The following AGBL1 variants were observed in gnomAD, a reference collection of about 807,000 sequenced individuals.
AGBL1 encodes AGBL carboxypeptidase 1.
A neutral mutation model predicts 118.9 loss-of-function variants in AGBL1; 130 were observed. The ratio of observed to expected loss-of-function variants is 1.09; its 90% CI spans 0.95 to 1.26. The LOEUF (loss-of-function observed/expected upper bound fraction) is 1.26, where lower values mean the gene tolerates loss of function less well. Ranked by LOEUF, AGBL1 falls within the 50% of genes most tolerant of loss-of-function variation. The pLI, the probability that AGBL1 is intolerant of heterozygous loss-of-function variation, is 0.00. For missense variants in AGBL1, 1,584 were observed against 1,298.1 expected (o/e 1.22, Z -3.38); for synonymous variants, 555 against 478.9 (o/e 1.16, Z -2.08).
intron 21 of AGBL1, among the ~76,000 whole-genome samples, chr15:86,663,010 G>C (rs920966277): frequency 6.6e-6 from 1 of 152,258 alleles, no homozygotes; most frequent in Admixed American, 6.5e-5. Context: ...GAGCTGCTGT[G>C]GGGCTTGGAG....
In AGBL1 at chr15:86,911,785, T is replaced by C. The variant is rs1301881060; in HGVS notation, c.*4491T>C. 6.6e-6 allele frequency: 1 copy of C among 152,234 alleles called. No individual in the cohort carries two copies. Among genetic ancestry groups the C allele is most frequent in the East Asian group, 1.9e-4 (1 of 5,188 alleles). 9.4% of individuals were successfully genotyped at this position (152,234 alleles called of 1,614,324 possible). The stretch of plus-strand genomic sequence containing the variant: ...AACTCAGTTCAAATATCACCTTTCT[T>C]CTATAAAACTTGTCCTCATCACCCA... On this transcript the variant is annotated 3_prime_UTR_variant, in exon 23 of 23. Coordinates refer to ENST00000614907, the MANE Select transcript of AGBL1 (RefSeq NM_001386094.1).
At chr15:86,418,283 C>G (rs1480630595) in intron 18 of AGBL1, among the ~76,000 whole-genome samples, 1 of 152,200 alleles carries the variant, frequency 6.6e-6, no homozygotes, top group East Asian at 1.9e-4. Context: ...ACTTTCTAAT[C>G]TATTTTAGTG....
rs2080299743 is a variant in AGBL1, at chr15:86,907,682, T to C, written c.*388T>C. Reference sequence around the variant, plus strand: ...CTTCTTGGCTTCTCAGCCAGAATTCTAAGTGGTTATTTAAGTTGTTCCATA... The same window carrying C: ...CTTCTTGGCTTCTCAGCCAGAATTCCAAGTGGTTATTTAAGTTGTTCCATA... On this transcript the variant is annotated 3_prime_UTR_variant, in exon 23 of 23. Transcript: ENST00000614907. The C allele has an allele frequency of 6.6e-6, 1 of 152,242 alleles. No individual in the cohort carries two copies. Among genetic ancestry groups the C allele is most frequent in the South Asian group, 2.1e-4 (1 of 4,834 alleles). 9.4% of individuals were successfully genotyped at this position (152,242 alleles called of 1,614,324 possible).
chr15:86,115,705 T>C (rs966405701), intron 1 of AGBL1, among the ~76,000 whole-genome samples: 3 of 152,220 alleles, frequency 2.0e-5, no homozygotes, highest in Admixed American at 6.5e-5. Flanking sequence ...CAAGGCTATC[T>C]CTCGGGTTCT....
Position 86,264,287 on chromosome 15 carries a change from G to A in AGBL1, c.1116G>A (p.Leu372=). The A allele has an allele frequency of 6.2e-7, 1 of 1,605,174 alleles. No homozygotes were observed. Among genetic ancestry groups the A allele is most frequent in the Non-Finnish European group, 8.5e-7 (1 of 1,175,860 alleles). The part of the protein sequence containing the change: ...EELQSKLGDD[L]NSEKTQYANH... ...TGCAGTCCAAACTTGGAGATGATTT[G>A]AACTCTGAAAAGACTCAGTATGCCA... Residue 372 remains leucine (L), a synonymous_variant, in exon 11 of 23, where the codon TTG becomes TTA. Coordinates refer to ENST00000614907, the MANE Select transcript of AGBL1 (RefSeq NM_001386094.1).
At chr15:86,805,739 A>C (rs1477207797) in intron 22 of AGBL1, among the ~76,000 whole-genome samples, 1 of 152,144 alleles carries the variant, frequency 6.6e-6, no homozygotes, top group Non-Finnish European at 1.5e-5. Flanking sequence ...ATAAAATGCT[A>C]ATTTTGCCCC....
At chr15:86,227,764 A>G (rs1439874748) in intron 6 of AGBL1, among the ~76,000 whole-genome samples, 1 of 152,240 alleles carries the variant, frequency 6.6e-6, no homozygotes, top group African/African-American at 2.4e-5. Flanking sequence ...CCTCATTCAT[A>G]TGGGTTCATA....
At chr15:86,954,188 CTGTT>C (rs1855873688) in intron 23 of AGBL1, among the ~76,000 whole-genome samples, 2 of 152,176 alleles carry the variant, frequency 1.3e-5, no homozygotes, top group Non-Finnish European at 2.9e-5. Flanking sequence ...CACTTATAAA[CTGTT>C]GGTAAGGATG....
intron 22 of AGBL1, among the ~76,000 whole-genome samples, chr15:86,806,088 A>C (rs1332735496): frequency 1.3e-5 from 2 of 152,122 alleles, no homozygotes; most frequent in East Asian, 3.9e-4. Context: ...GGGATTGGAG[A>C]CTGGAAGGAA....
intron 8 of AGBL1, among the ~76,000 whole-genome samples, chr15:86,257,294 A>T (rs1046135157): frequency 6.6e-6 from 1 of 152,220 alleles, no homozygotes; most frequent in Non-Finnish European, 1.5e-5. Flanking sequence ...CATCTCAGCT[A>T]ATTTTAAAAA....
At chr15:86,470,057 T>C (rs975839145) in intron 18 of AGBL1, among the ~76,000 whole-genome samples, 1 of 152,212 alleles carries the variant, frequency 6.6e-6, no homozygotes, top group Non-Finnish European at 1.5e-5. Flanking sequence ...TCCTCTGCTG[T>C]GCAGAAGCAT....
At chr15:86,108,628 A>G (rs996075414) in intron 1 of AGBL1, among the ~76,000 whole-genome samples, 1 of 152,138 alleles carries the variant, frequency 6.6e-6, no homozygotes, top group Admixed American at 6.6e-5. Context: ...GTCAAGAGAG[A>G]TGACTGGAAA....
At chr15:86,380,785 C>T (rs1026582627) in intron 17 of AGBL1, among the ~76,000 whole-genome samples, 1 of 152,220 alleles carries the variant, frequency 6.6e-6, no homozygotes, top group Non-Finnish European at 1.5e-5. Flanking sequence ...GAAAGCTACT[C>T]ATTCTCATTT....
chr15:86,509,093 C>T (rs531314748), intron 18 of AGBL1, among the ~76,000 whole-genome samples: 2 of 152,210 alleles, frequency 1.3e-5, no homozygotes, highest in Admixed American at 1.3e-4. Flanking sequence ...GTTTATACAG[C>T]AAGTGAGAGA....
exon 25 of AGBL1, chr15:87,028,858 G>A (rs909633135): frequency 1.9e-6 from 3 of 1,600,096 alleles, no homozygotes; most frequent in African/African-American, 2.7e-5. Context: ...CCCTTCAAAT[G>A]AGCAAGTATT....
intron 22 of AGBL1, among the ~76,000 whole-genome samples, chr15:86,895,177 CCT>C (rs1007933445): frequency 3.4e-5 from 5 of 148,976 alleles, no homozygotes; most frequent in South Asian, 2.1e-4. Context: ...CTCTTTCCCC[CCT>C]CTTTTCTTTT....
intron 19 of AGBL1, among the ~76,000 whole-genome samples, chr15:86,529,702 C>G (rs573135065): frequency 1.3e-5 from 2 of 151,114 alleles, no homozygotes; most frequent in African/African-American, 4.9e-5. Context: ...TAAGAGCAGC[C>G]AGAGAGAAAG....
chr15:86,231,276 A>T (rs2078451050), intron 6 of AGBL1, among the ~76,000 whole-genome samples: 1 of 152,196 alleles, frequency 6.6e-6, no homozygotes, highest in African/African-American at 2.4e-5. Flanking sequence ...AATGTTGACT[A>T]AGAAAGAATT....
At chr15:86,325,168 G>A (rs2141850645) in intron 17 of AGBL1, among the ~76,000 whole-genome samples, 1 of 152,292 alleles carries the variant, frequency 6.6e-6, no homozygotes, top group East Asian at 1.9e-4. Flanking sequence ...AGAGAGAGAG[G>A]CAAGGAAAAC....
Sources: allele counts gnomAD v4.1 joint callset (sites outside exome capture counted in the v4.1 genomes callset), GRCh38; gene constraint gnomAD v4.1.1; transcripts MANE v1.5; gene names NCBI Gene and HGNC (gene_info 2026-07-23, HGNC 2026-07-21).